DENND6A: variants seen among roughly 807,000 people sequenced by gnomAD.
The protein encoded by DENND6A is protein DENND6A.
In DENND6A, 43 loss-of-function variants were observed where a neutral mutation model predicts 95.5. That is an observed-to-expected ratio of 0.45 (90% CI 0.35 to 0.58). The LOEUF (loss-of-function observed/expected upper bound fraction) is 0.58, where lower values mean the gene tolerates loss of function less well. Among genes scored for constraint, DENND6A ranks in the 20% least tolerant of loss-of-function variants. The pLI, the probability that DENND6A is intolerant of heterozygous loss-of-function variation, is 0.00. For missense variants in DENND6A, 574 were observed against 736.0 expected, an observed-to-expected ratio of 0.78 and a Z score of 2.55; for synonymous variants, 257 against 260.4, an observed-to-expected ratio of 0.99 and a Z score of 0.13.
intron 9 of DENND6A, among the ~76,000 whole-genome samples, chr3:57,657,393 ATC>A (rs776395865): frequency 1.1e-4 from 17 of 152,328 alleles, no homozygotes; most frequent in East Asian, 3.9e-4. Context: ...AATAAAATGC[ATC>A]TCTTTTTTAA....
chr3:57,640,928 A>G (rs1254242219), intron 12 of DENND6A, among the ~76,000 whole-genome samples: 1 of 151,922 alleles, frequency 6.6e-6, no homozygotes, highest in African/African-American at 2.4e-5. Flanking sequence ...AACTCCTACC[A>G]TGAACAAGGT....
At chr3:57,673,100 G>T (rs2153416482) in intron 1 of DENND6A, among the ~76,000 whole-genome samples, 1 of 148,740 alleles carries the variant, frequency 6.7e-6, no homozygotes, top group South Asian at 2.1e-4. Flanking sequence ...TGTAATCCCA[G>T]CTACTCGGGA....
intron 9 of DENND6A, among the ~76,000 whole-genome samples, chr3:57,657,119 A>C (rs2071341964): frequency 6.6e-6 from 1 of 152,212 alleles, no homozygotes; most frequent in South Asian, 2.1e-4. Flanking sequence ...CCAAAGATTT[A>C]GCTGCTCTGG....
Position 57,646,364 on chromosome 3 carries a change from A to C in DENND6A, c.893T>G (p.Met298Arg). ...TGATGATTCCGATGGTGATGGCGCC[A>C]TAACCACAAGGGGCTCCCCCAACAG... ...LVLLGEPLVVMAPSPSESSET... is the reference protein window; with the variant it reads ...LVLLGEPLVVRAPSPSESSET... The change falls in exon 10 of 20, where the codon ATG becomes AGG. Residue 298 changes from methionine to arginine, a missense_variant. Around this residue, in one of 2 missense-constraint regions of DENND6A, gnomAD observed 452 missense variants for 630.9 expected, o/e 0.72. Coordinates refer to ENST00000311128, the MANE Select transcript of DENND6A (RefSeq NM_152678.3). 1 of 1,614,120 alleles carries C rather than the reference A, an allele frequency of 6.2e-7. No individual in the cohort carries two copies. The highest frequency in any genetic ancestry group is 1.3e-5 in the African/African-American group (1 of 75,072).
intron 1 of DENND6A, among the ~76,000 whole-genome samples, chr3:57,681,956 T>TA (rs945076159): frequency 6.6e-6 from 1 of 152,168 alleles, no homozygotes; most frequent in African/African-American, 2.4e-5. Context: ...CACTGAATTA[T>TA]ACACTTTAGA....
chr3:57,634,038 A>C (rs1270099317), intron 14 of DENND6A, among the ~76,000 whole-genome samples: 1 of 152,070 alleles, frequency 6.6e-6, no homozygotes, highest in Non-Finnish European at 1.5e-5. Flanking sequence ...ATAATTTCCA[A>C]GTTTCTAGAA....
At chr3:57,628,525 A>G (rs1385679641) in intron 19 of DENND6A, among the ~76,000 whole-genome samples, 180 bp from the exon 20 acceptor site, 3 of 152,352 alleles carry the variant, frequency 2.0e-5, no homozygotes, top group Non-Finnish European at 2.9e-5. Context: ...ATTGAGCTCA[A>G]TAAAAGGCTT....
intron 3 of DENND6A, among the ~76,000 whole-genome samples, chr3:57,667,983 T>C (rs1431629417): frequency 6.6e-6 from 1 of 152,098 alleles, no homozygotes; most frequent in Admixed American, 6.6e-5. Flanking sequence ...GGAGAATTTC[T>C]TGAACACAGT....
chr3:57,659,322 G>A (rs2071382958), intron 7 of DENND6A, 142 bp from the exon 8 acceptor site: 1 of 779,552 alleles, frequency 1.3e-6, no homozygotes, highest in Admixed American at 2.3e-5. Flanking sequence ...TAAAAACTAA[G>A]GTCATATTTA....
At chr3:57,628,685 G>A (rs949065523) in intron 19 of DENND6A, 126 bp downstream of exon 19, 15 of 951,810 alleles carry the variant, frequency 1.6e-5, no homozygotes, top group Admixed American at 2.7e-5. Context: ...ACCATCAATT[G>A]ACCAATTTCA....
chr3:57,677,807 C>A (rs1177443146), intron 1 of DENND6A, among the ~76,000 whole-genome samples: 6 of 152,102 alleles, frequency 3.9e-5, no homozygotes, highest in Non-Finnish European at 8.8e-5. Context: ...TATCTTAATT[C>A]ATTAGATCTC....
At chr3:57,659,027 TA>T in intron 8 of DENND6A, 90 bp downstream of exon 8, 1 of 1,194,752 alleles carries the variant, frequency 8.4e-7, no homozygotes. Context: ...AAATATGTAA[TA>T]AACTCAAGAA....
At chr3:57,639,025 G>T (rs975724035) in intron 12 of DENND6A, among the ~76,000 whole-genome samples, 1 of 152,182 alleles carries the variant, frequency 6.6e-6, no homozygotes, top group East Asian at 1.9e-4. Context: ...TTGGGCCCAG[G>T]AGTTCAAGGT....
At chr3:57,650,295 A>T (rs1234269177) in intron 9 of DENND6A, among the ~76,000 whole-genome samples, 1 of 152,092 alleles carries the variant, frequency 6.6e-6, no homozygotes, top group Non-Finnish European at 1.5e-5. Context: ...TTTGAAATAA[A>T]CAAAAAACCT....
chr3:57,687,266 G>A (rs1210326184), intron 1 of DENND6A, among the ~76,000 whole-genome samples: 1 of 152,194 alleles, frequency 6.6e-6, no homozygotes, highest in African/African-American at 2.4e-5. Flanking sequence ...TGAGTGGTCT[G>A]GATAGAAGAG....
intron 9 of DENND6A, 116 bp downstream of exon 9, chr3:57,657,564 A>G (rs1409094582): frequency 3.0e-6 from 2 of 661,146 alleles, no homozygotes; most frequent in South Asian, 1.8e-5. Flanking sequence ...CATGTAAAAC[A>G]TAACTATTTT....
chr3:57,657,642 CA>C, intron 9 of DENND6A, 37 bp downstream of exon 9: 1 of 1,373,444 alleles, frequency 7.3e-7, no homozygotes, highest in Non-Finnish European at 1.0e-6. Flanking sequence ...CACCACAAAG[CA>C]AAAGGAAGTC....
Position 57,627,043 on chromosome 3 carries a change from T to C in DENND6A, c.*1171A>G, listed in dbSNP as rs985163472. The C allele has an allele frequency of 2.0e-5, 3 of 152,172 alleles. No individual in the cohort carries two copies. The highest frequency in any genetic ancestry group is 1.9e-4 in the East Asian group (1 of 5,204). 9.4% of individuals were successfully genotyped at this position (152,172 alleles called of 1,614,324 possible). ...CCTTTGAAATAAGAATAGTTCAGTT[T>C]AAAAAAATAGCTGATTATGAGATTT... On this transcript the variant is annotated 3_prime_UTR_variant, in exon 20 of 20. Transcript: ENST00000311128.
At chr3:57,654,855 G>A in intron 9 of DENND6A, 1 of 881,014 alleles carries the variant, frequency 1.1e-6, no homozygotes, top group Non-Finnish European at 1.4e-6. Context: ...AATATAACTG[G>A]ATAAATATGT....
Sources: gnomAD v4.1 joint callset for allele counts (sites outside exome capture counted in the v4.1 genomes callset) on GRCh38, gnomAD v4.1.1 for gene constraint, gnomAD v4.1.1 regional missense constraint, MANE v1.5 for transcripts, NCBI Gene and HGNC (gene_info 2026-07-23, HGNC 2026-07-21) for gene names.